Variants in TTC27 observed in about 807,000 individuals in gnomAD.
TTC27 encodes the protein tetratricopeptide repeat protein 27.
A neutral mutation model predicts 115.9 loss-of-function variants in TTC27; 79 were observed. The ratio of observed to expected loss-of-function variants is 0.68; its 90% CI spans 0.57 to 0.82. The LOEUF is 0.82. TTC27 is among the 40% of genes least tolerant of loss of function. The probability of loss-of-function intolerance (pLI) is 0.00; values close to 1 mark genes in which losing one functional copy is unlikely to be tolerated. For missense variants in TTC27, 1,054 were observed against 993.1 expected, an observed-to-expected ratio of 1.06 and a Z score of -0.82; for synonymous variants, 401 against 356.0, an observed-to-expected ratio of 1.13 and a Z score of -1.42.
At chr2:32,676,068 A>G (rs1331133559) in intron 8 of TTC27, among the ~76,000 whole-genome samples, 1 of 152,098 alleles carries the variant, frequency 6.6e-6, no homozygotes, top group African/African-American at 2.4e-5. Context: ...CTGGGATTAC[A>G]GCTGTGAGCC....
chr2:32,694,124 A>G (rs1300114814), intron 9 of TTC27, among the ~76,000 whole-genome samples: 1 of 152,200 alleles, frequency 6.6e-6, no homozygotes, highest in Non-Finnish European at 1.5e-5. Flanking sequence ...ATTTAGGACC[A>G]GTTTTAGAGT....
intron 10 of TTC27, among the ~76,000 whole-genome samples, chr2:32,730,897 C>T (rs1286714674): frequency 2.0e-5 from 3 of 152,098 alleles, no homozygotes; most frequent in African/African-American, 7.2e-5. Flanking sequence ...GCTGGGATTA[C>T]AGGCATGAGC....
chr2:32,733,770 A>G, intron 10 of TTC27, 58 bp from the exon 11 acceptor site: 2 of 1,013,132 alleles, frequency 2.0e-6, no homozygotes. Flanking sequence ...TACAATAAGG[A>G]CTTATTTATA....
At chr2:32,804,032 A>G (rs1671050288) in intron 16 of TTC27, among the ~76,000 whole-genome samples, 1 of 152,010 alleles carries the variant, frequency 6.6e-6, no homozygotes, top group Non-Finnish European at 1.5e-5. Flanking sequence ...AAAGAAAAAA[A>G]TGCAAATTTC....
intron 10 of TTC27, among the ~76,000 whole-genome samples, chr2:32,718,842 C>G (rs1667832982): frequency 6.6e-6 from 1 of 152,244 alleles, no homozygotes; most frequent in Admixed American, 6.5e-5. Context: ...TCTGAGGCAA[C>G]TGGGCACTCT....
chr2:32,744,653 G>C (rs1253899218), intron 12 of TTC27, among the ~76,000 whole-genome samples: 1 of 152,158 alleles, frequency 6.6e-6, no homozygotes, highest in Non-Finnish European at 1.5e-5. Context: ...CTCTGAGGTA[G>C]GTAAGCCAAA....
intron 16 of TTC27, among the ~76,000 whole-genome samples, chr2:32,787,571 G>A (rs1670391768): frequency 6.6e-6 from 1 of 152,118 alleles, no homozygotes; most frequent in Non-Finnish European, 1.5e-5. Context: ...AATATATAGA[G>A]GATGGCTAAC....
intron 12 of TTC27, among the ~76,000 whole-genome samples, chr2:32,739,186 G>A (rs4952286): frequency 0.16 from 24,751 of 152,128 alleles, 2,443 homozygotes; most frequent in South Asian, 0.36. Context: ...TTGACTTCCA[G>A]TCTGATGTAG....
At chr2:32,681,084 C>T (rs185125276) in intron 9 of TTC27, among the ~76,000 whole-genome samples, 3 of 152,224 alleles carry the variant, frequency 2.0e-5, no homozygotes, top group Admixed American at 2.0e-4. Context: ...TCCTCCCACC[C>T]TCTTACAATC....
At chr2:32,701,554 T>C (rs1667184445) in intron 9 of TTC27, among the ~76,000 whole-genome samples, 1 of 152,150 alleles carries the variant, frequency 6.6e-6, no homozygotes, top group Non-Finnish European at 1.5e-5. Context: ...GGGGTTGGTC[T>C]ATATTAGAGT....
chr2:32,733,735 T>C (rs1668366001), intron 10 of TTC27, 93 bp from the exon 11 acceptor site: 1 of 687,716 alleles, frequency 1.5e-6, no homozygotes, highest in South Asian at 3.1e-5. Context: ...TTCTTTGTTG[T>C]TTATATGTGC....
intron 2 of TTC27, among the ~76,000 whole-genome samples, chr2:32,632,630 C>G (rs1356493964): frequency 6.6e-6 from 1 of 151,922 alleles, no homozygotes; most frequent in Non-Finnish European, 1.5e-5. Context: ...TGCATTGCAT[C>G]CAGAGTTTTA....
chr2:32,773,526 G>T (rs935145485), intron 13 of TTC27, among the ~76,000 whole-genome samples: 1 of 152,220 alleles, frequency 6.6e-6, no homozygotes, highest in African/African-American at 2.4e-5. Context: ...TGTATAGGCA[G>T]AATGGTGTTG....
intron 5 of TTC27, among the ~76,000 whole-genome samples, chr2:32,658,957 C>T (rs1665433381): frequency 6.6e-6 from 1 of 152,026 alleles, no homozygotes; most frequent in Non-Finnish European, 1.5e-5. Flanking sequence ...GGATGTATAT[C>T]TGTTTCCCCT....
At chr2:32,644,016 A>T (rs1404501720) in intron 4 of TTC27, among the ~76,000 whole-genome samples, 1 of 151,926 alleles carries the variant, frequency 6.6e-6, no homozygotes, top group Non-Finnish European at 1.5e-5. Flanking sequence ...CCCCGTTTCT[A>T]TTAAAAATAC....
intron 3 of TTC27, among the ~76,000 whole-genome samples, chr2:32,637,819 A>C (rs1228902857): frequency 6.6e-6 from 1 of 152,220 alleles, no homozygotes; most frequent in African/African-American, 2.4e-5. Flanking sequence ...CTGTACATTC[A>C]GTACCTCCAG....
At chr2:32,772,528 T>C (rs1241369450) in intron 13 of TTC27, among the ~76,000 whole-genome samples, 5 of 152,208 alleles carry the variant, frequency 3.3e-5, no homozygotes, top group Non-Finnish European at 5.9e-5. Flanking sequence ...ACTTTCAGTA[T>C]AGTAGTCAAT....
chr2:32,768,752 T>G (rs948390300), intron 13 of TTC27, among the ~76,000 whole-genome samples: 1 of 152,162 alleles, frequency 6.6e-6, no homozygotes, highest in African/African-American at 2.4e-5. Flanking sequence ...AAACATAGAA[T>G]GACTGAAGCC....
intron 6 of TTC27, 144 bp downstream of exon 6, chr2:32,664,611 T>G: frequency 1.4e-6 from 1 of 693,110 alleles, no homozygotes. Context: ...ATTTACAAAT[T>G]TATAGTTTAT....
Sources: allele counts gnomAD v4.1 joint callset (sites outside exome capture counted in the v4.1 genomes callset), GRCh38; gene constraint gnomAD v4.1.1; transcripts MANE v1.5; gene names NCBI Gene and HGNC (gene_info 2026-07-23, HGNC 2026-07-21).